ARHGAP20: variants seen among roughly 807,000 people sequenced by gnomAD.
The protein encoded by ARHGAP20 is Rho GTPase activating protein 20.
A neutral mutation model predicts 73.7 loss-of-function variants in ARHGAP20; 34 were observed. The observed-to-expected ratio is 0.46, with a 90% confidence interval of 0.35 to 0.61. ARHGAP20 has a LOEUF of 0.61. Ranked by LOEUF, ARHGAP20 falls within the 20% of genes least tolerant of loss-of-function variation. ARHGAP20 has a pLI of 0.00. For missense variants in ARHGAP20, 1,314 were observed against 1,420.9 expected, an observed-to-expected ratio of 0.92 and a Z score of 1.21; for synonymous variants, 523 against 518.2, an observed-to-expected ratio of 1.01 and a Z score of -0.13.
intron 12 of ARHGAP20, among the ~76,000 whole-genome samples, chr11:110,584,992 TATG>T (rs978699567): frequency 4.8e-5 from 7 of 147,246 alleles, no homozygotes; most frequent in African/African-American, 1.7e-4. Flanking sequence ...TGAAAATATA[TATG>T]AATATATGAA....
intron 2 of ARHGAP20, among the ~76,000 whole-genome samples, chr11:110,656,726 C>A (rs1009889286): frequency 6.6e-6 from 1 of 152,190 alleles, no homozygotes; most frequent in African/African-American, 2.4e-5. Flanking sequence ...GCATGCTCAG[C>A]CACTGAGGTG....
chr11:110,609,289 C>T (rs901312402), intron 7 of ARHGAP20, among the ~76,000 whole-genome samples: 1 of 152,102 alleles, frequency 6.6e-6, no homozygotes, highest in Non-Finnish European at 1.5e-5. Context: ...AAAGGCTAAT[C>T]TCTTCTTTAG....
At chr11:110,616,172 C>T (rs1454716169) in intron 4 of ARHGAP20, among the ~76,000 whole-genome samples, 1 of 151,960 alleles carries the variant, frequency 6.6e-6, no homozygotes, top group Non-Finnish European at 1.5e-5. Flanking sequence ...AAAATACATA[C>T]AGCAAGATTA....
At chr11:110,617,087 C>T (rs1292979288) in intron 4 of ARHGAP20, among the ~76,000 whole-genome samples, 1 of 152,170 alleles carries the variant, frequency 6.6e-6, no homozygotes, top group Non-Finnish European at 1.5e-5. Context: ...GTAGTTTCCA[C>T]TATCCTGACT....
chr11:110,592,389 T>G lies in ARHGAP20; in HGVS notation c.965-234A>C, dbSNP rs116554675. Among the ~76,000 whole-genome samples the G allele has an allele frequency of 1.3e-3, 202 of 152,296 alleles. 1 individual carries two copies. Among genetic ancestry groups the G allele is most frequent in the African/African-American group, 4.7e-3 (196 of 41,568 alleles). On this transcript the variant is annotated intron_variant, in intron 9 of 14. Coordinates refer to ENST00000683387, the MANE Select transcript of ARHGAP20 (RefSeq NM_001384657.1). ...TGTTTGGGTTCTTCTCCCATCCAGTTTTTGGACATCACTGGTCTGTTTACT... is the reference window on the plus strand; with the variant it reads ...TGTTTGGGTTCTTCTCCCATCCAGTGTTTGGACATCACTGGTCTGTTTACT...
intron 2 of ARHGAP20, among the ~76,000 whole-genome samples, chr11:110,647,579 C>T (rs1055847105): frequency 3.3e-5 from 5 of 152,038 alleles, no homozygotes; most frequent in African/African-American, 1.2e-4. Context: ...ATGTTAACAA[C>T]ATATTTTCAT....
intron 11 of ARHGAP20, among the ~76,000 whole-genome samples, chr11:110,587,221 T>C (rs900898779): frequency 5.9e-5 from 9 of 152,244 alleles, no homozygotes; most frequent in African/African-American, 2.2e-4. Context: ...ACTGTCTCTC[T>C]TGCTTTTGGT....
chr11:110,655,543 TACTC>T (rs1415757610), intron 2 of ARHGAP20, among the ~76,000 whole-genome samples: 3 of 152,178 alleles, frequency 2.0e-5, no homozygotes, highest in Admixed American at 6.6e-5. Flanking sequence ...CCACAGGAAA[TACTC>T]AGTAAGTATT....
At chr11:110,614,787 G>T in intron 5 of ARHGAP20, 142 bp from the exon 6 acceptor site, 1 of 598,040 alleles carries the variant, frequency 1.7e-6, no homozygotes. Context: ...AGAAGACTCA[G>T]CAAAGTCAGA....
chr11:110,635,000 G>A (rs1360740534), intron 2 of ARHGAP20, among the ~76,000 whole-genome samples: 3 of 151,686 alleles, frequency 2.0e-5, no homozygotes, highest in Non-Finnish European at 2.9e-5. Flanking sequence ...TATTTCTCGG[G>A]GTCTCCATCA....
At chr11:110,705,790 G>A (rs1950542869) in intron 1 of ARHGAP20, among the ~76,000 whole-genome samples, 1 of 152,112 alleles carries the variant, frequency 6.6e-6, no homozygotes, top group Non-Finnish European at 1.5e-5. Flanking sequence ...CTGAGGCTTA[G>A]GATTCAGTGC....
chr11:110,609,671 A>G (rs1391568726), intron 7 of ARHGAP20, among the ~76,000 whole-genome samples: 9 of 152,152 alleles, frequency 5.9e-5, no homozygotes. Context: ...GAAATACTAA[A>G]TTATACAGAT....
At chr11:110,685,446 A>G (rs550762237) in intron 2 of ARHGAP20, among the ~76,000 whole-genome samples, 17 of 152,040 alleles carry the variant, frequency 1.1e-4, no homozygotes, top group Non-Finnish European at 1.8e-4. Context: ...TCCTAATATA[A>G]TAATTACTTA....
chr11:110,662,413 T>C (rs1322300767), intron 2 of ARHGAP20, among the ~76,000 whole-genome samples: 1 of 151,954 alleles, frequency 6.6e-6, no homozygotes, highest in Non-Finnish European at 1.5e-5. Flanking sequence ...AGAAAAACTA[T>C]TCCACGTGAC....
chr11:110,694,567 C>T (rs928057341), intron 1 of ARHGAP20, among the ~76,000 whole-genome samples: 8 of 151,744 alleles, frequency 5.3e-5, no homozygotes, highest in African/African-American at 1.9e-4. Flanking sequence ...ACCAACTAAT[C>T]TGCAAGGTGC....
At chr11:110,667,981 A>T (rs1180433324) in intron 2 of ARHGAP20, among the ~76,000 whole-genome samples, 2 of 152,264 alleles carry the variant, frequency 1.3e-5, no homozygotes, top group Non-Finnish European at 2.9e-5. Context: ...AGATGCTGAA[A>T]TGACAACAAA....
chr11:110,647,476 G>A (rs1949222047), intron 2 of ARHGAP20, among the ~76,000 whole-genome samples: 2 of 152,082 alleles, frequency 1.3e-5, no homozygotes, highest in Non-Finnish European at 2.9e-5. Flanking sequence ...AAGAGGATTT[G>A]ATCATTGAAC....
chr11:110,592,184 A>C, intron 9 of ARHGAP20, 29 bp from the exon 10 acceptor site: 1 of 1,584,866 alleles, frequency 6.3e-7, no homozygotes. Context: ...TATTAGAAAA[A>C]TGAGTTTCAT....
intron 2 of ARHGAP20, among the ~76,000 whole-genome samples, chr11:110,687,457 T>G (rs1389104178): frequency 1.3e-5 from 2 of 152,082 alleles, no homozygotes; most frequent in East Asian, 3.8e-4. Flanking sequence ...CTTGAAGAAG[T>G]GATAGGGAGG....
Sources: gnomAD v4.1 joint callset for allele counts (sites outside exome capture counted in the v4.1 genomes callset) on GRCh38, gnomAD v4.1.1 for gene constraint, MANE v1.5 for transcripts, NCBI Gene and HGNC (gene_info 2026-07-23, HGNC 2026-07-21) for gene names.